ATP6V1A: variants seen among roughly 807,000 people sequenced by gnomAD.
The protein encoded by ATP6V1A is ATPase H+ transporting V1 subunit A, also known as V-type proton ATPase catalytic subunit A.
Under a neutral mutation model 70.1 loss-of-function variants are expected in ATP6V1A, and 18 were observed. The ratio of observed to expected loss-of-function variants is 0.26; its 90% CI spans 0.18 to 0.38. The LOEUF is 0.38. Ranked by LOEUF, ATP6V1A falls within the 10% of genes least tolerant of loss-of-function variation. The pLI is 1.00. For synonymous variants in ATP6V1A, 232 were observed against 253.8 expected (o/e 0.91, Z 0.82); for missense variants, 424 against 772.4 (o/e 0.55, Z 5.35).
rs575869816 is a variant in ATP6V1A, at chr3:113,796,555, A to C, written c.1290+616A>C. On this transcript the variant is annotated intron_variant, in intron 11 of 14. Coordinates refer to ENST00000273398, the MANE Select transcript of ATP6V1A (RefSeq NM_001690.4). ...GTTTCTGCCTAAGCATTTGCTTTCC[A>C]GTGACAAGACATGAATTTTAGTGGA... Among the ~76,000 whole-genome samples the C allele has an allele frequency of 2.0e-5, 3 of 152,374 alleles. No homozygotes were observed. In the South Asian group the frequency reaches 6.2e-4, roughly 32 times the overall value.
chr3:113,750,423 A>G (rs952832683), intron 1 of ATP6V1A, among the ~76,000 whole-genome samples: 1 of 152,208 alleles, frequency 6.6e-6, no homozygotes, highest in Non-Finnish European at 1.5e-5. Context: ...TGGAGGTTGC[A>G]GTGAGCCAAG....
At chr3:113,760,980 T>C (rs958414369) in intron 1 of ATP6V1A, among the ~76,000 whole-genome samples, 11 of 151,672 alleles carry the variant, frequency 7.3e-5, no homozygotes, top group African/African-American at 2.7e-4. Flanking sequence ...GGCAGTAGAA[T>C]TGCTTGAATC....
chr3:113,797,613 G>A (rs577645737), intron 11 of ATP6V1A, among the ~76,000 whole-genome samples: 1 of 152,152 alleles, frequency 6.6e-6, no homozygotes, highest in East Asian at 1.9e-4. Context: ...ACCTTTTCTG[G>A]TTCTATTGTA....
chr3:113,782,745 C>T (rs1708993733), intron 3 of ATP6V1A, among the ~76,000 whole-genome samples: 1 of 151,658 alleles, frequency 6.6e-6, no homozygotes, highest in Non-Finnish European at 1.5e-5. Context: ...GCCTCAGCCT[C>T]CCAAGTAGCT....
chr3:113,771,102 A>T (rs982794542), intron 1 of ATP6V1A, among the ~76,000 whole-genome samples: 1 of 152,090 alleles, frequency 6.6e-6, no homozygotes, highest in Non-Finnish European at 1.5e-5. Flanking sequence ...CAAAAAAAAA[A>T]AAAAATTAAC....
In ATP6V1A at chr3:113,786,304, C is replaced by G. The variant is rs775322278; in HGVS notation, c.637C>G (p.Gln213Glu). ...FTMVQVWPVRQVRPVTEKLPA... is the reference protein window; with the variant it reads ...FTMVQVWPVREVRPVTEKLPA... ...CATGGTGCAAGTATGGCCTGTACGT[C>G]AAGTTCGACCTGTCACTGAGAAGCT... Residue 213 changes from glutamine to glutamate, a missense_variant, in exon 6 of 15, where the codon CAA becomes GAA. Gln to Glu is a conservative substitution (Grantham distance 29, BLOSUM62 2). Transcript: ENST00000273398. The G allele has an allele frequency of 1.9e-6, 3 of 1,613,204 alleles. No homozygotes were observed. Among genetic ancestry groups the G allele is most frequent in the South Asian group, 2.2e-5 (2 of 91,004 alleles).
At chr3:113,803,984 A>G (rs1709248735) in intron 13 of ATP6V1A, among the ~76,000 whole-genome samples, 1 of 151,996 alleles carries the variant, frequency 6.6e-6, no homozygotes, top group Non-Finnish European at 1.5e-5. Flanking sequence ...TCCACTGCCC[A>G]TGTCTCCTTT....
intron 1 of ATP6V1A, among the ~76,000 whole-genome samples, chr3:113,767,172 A>G (rs9830975): frequency 0.33 from 49,472 of 149,250 alleles, 8,322 homozygotes; most frequent in East Asian, 0.36. Flanking sequence ...GCGCATTGCA[A>G]CCTTAGCTTC....
chr3:113,786,203 C>G (rs764003989), intron 5 of ATP6V1A, 29 bp from the exon 6 acceptor site: 1 of 1,556,934 alleles, frequency 6.4e-7, no homozygotes, highest in Non-Finnish European at 8.7e-7. Flanking sequence ...CAAATTTGAC[C>G]ATACTAAAAT....
chr3:113,796,154 TTAA>T (rs998364732), intron 11 of ATP6V1A, among the ~76,000 whole-genome samples: 63 of 152,344 alleles, frequency 4.1e-4, no homozygotes, highest in African/African-American at 1.4e-3. Flanking sequence ...TATAATAAAC[TTAA>T]TAATATATAA....
rs576864011 is a variant in ATP6V1A, at chr3:113,752,839, C to G, written c.-14+5726C>G. 2.3e-3 allele frequency among the ~76,000 whole-genome samples: 351 copies of G among 152,124 alleles called. 2 individuals are homozygous for G. Among genetic ancestry groups the G allele is most frequent in the African/African-American group, 8.1e-3 (337 of 41,528 alleles). ...TTGATCCAATACATTGCAACAGATG[C>G]AAAAACTGATTTCAGATGGATTAGA... On this transcript the variant is annotated intron_variant, in intron 1 of 14. Coordinates refer to ENST00000273398, the MANE Select transcript of ATP6V1A (RefSeq NM_001690.4).
In ATP6V1A at chr3:113,795,609, T is replaced by G. The variant is rs1709145313; in HGVS notation, c.1227-267T>G. Among the ~76,000 whole-genome samples the G allele has an allele frequency of 5.3e-5, 8 of 152,088 alleles. No homozygotes were observed. The South Asian group carries it at 1.7e-3, about 31-fold the overall frequency. On this transcript the variant is annotated intron_variant, in intron 10 of 14. Transcript: ENST00000273398. ...ATCTATTTGATTAGAATAATAAAAT[T>G]GATTATAATAAAATATCTATCTCAT...
chr3:113,809,272 C>A (rs1709314625), intron 14 of ATP6V1A, 63 bp from the exon 15 acceptor site: 2 of 1,411,816 alleles, frequency 1.4e-6, no homozygotes, highest in Admixed American at 1.9e-5. Context: ...AAAAAAGTAA[C>A]TTAACATACG....
Position 113,753,271 on chromosome 3 carries a change from A to G in ATP6V1A, c.-14+6158A>G, listed in dbSNP as rs1290623465. Among the ~76,000 whole-genome samples, 3 of 152,254 alleles carry G rather than the reference A, an allele frequency of 2.0e-5. No homozygotes were observed. In the East Asian group the frequency reaches 5.8e-4, roughly 29 times the overall value. On this transcript the variant is annotated intron_variant, in intron 1 of 14. Transcript: ENST00000273398. ...TGAAATATTATTTCTCTGACAAGCAAAAATTAAGTGGTAAACCTACTGCTA... is the reference window on the plus strand; with the variant it reads ...TGAAATATTATTTCTCTGACAAGCAGAAATTAAGTGGTAAACCTACTGCTA...
intron 3 of ATP6V1A, 63 bp downstream of exon 3, chr3:113,781,241 G>A (rs774467248): frequency 8.6e-5 from 131 of 1,520,880 alleles, no homozygotes; most frequent in Middle Eastern, 1.8e-4. Flanking sequence ...ATTTAGGCCA[G>A]GCATAGTGCC....
At chr3:113,795,260 G>A in intron 10 of ATP6V1A, 56 bp downstream of exon 10, 1 of 1,549,024 alleles carries the variant, frequency 6.5e-7, no homozygotes. Flanking sequence ...ATGTATTAAA[G>A]AGAGAAAAAA....
chr3:113,808,169 A>G (rs1461723062), intron 14 of ATP6V1A, among the ~76,000 whole-genome samples: 1 of 151,154 alleles, frequency 6.6e-6, no homozygotes, highest in Non-Finnish European at 1.5e-5. Context: ...GAAAATTTCC[A>G]GTTATTGGTG....
At chr3:113,747,141 G>A (rs1708532159) in intron 1 of ATP6V1A, 28 bp downstream of exon 1, 2 of 152,684 alleles carry the variant, frequency 1.3e-5, no homozygotes, top group African/African-American at 2.4e-5. Flanking sequence ...ACTGGCGAGT[G>A]GTGGGGATAG....
intron 1 of ATP6V1A, among the ~76,000 whole-genome samples, chr3:113,761,131 G>C (rs1210197851): frequency 6.7e-6 from 1 of 149,904 alleles, no homozygotes; most frequent in Non-Finnish European, 1.5e-5. Flanking sequence ...TTTGAGACAG[G>C]GTCTCACTGT....
Sources: allele counts gnomAD v4.1 joint callset (sites outside exome capture counted in the v4.1 genomes callset), GRCh38; gene constraint gnomAD v4.1.1; transcripts MANE v1.5; gene names NCBI Gene and HGNC (gene_info 2026-07-23, HGNC 2026-07-21).